UGT1A9: variants seen among roughly 807,000 people sequenced by gnomAD.
UGT1A9 encodes the protein UDP-glucuronosyltransferase 1A9.
In UGT1A9, 35 loss-of-function variants were observed where a neutral mutation model predicts 45.0. The ratio of observed to expected loss-of-function variants is 0.78; its 90% CI spans 0.59 to 1.03. The LOEUF (loss-of-function observed/expected upper bound fraction) is 1.03, where lower values mean the gene tolerates loss of function less well. UGT1A9 is among the 50% of genes least tolerant of loss of function. The pLI, the probability that UGT1A9 is intolerant of heterozygous loss-of-function variation, is 0.00. For synonymous variants in UGT1A9, 278 were observed against 250.6 expected, an observed-to-expected ratio of 1.11 and a Z score of -1.03; for missense variants, 687 against 666.6, an observed-to-expected ratio of 1.03 and a Z score of -0.34.
chr2:233,693,484 T>C (rs1575449694), intron 1 of UGT1A9: 1 of 1,614,198 alleles, frequency 6.2e-7, no homozygotes, highest in East Asian at 2.2e-5. Context: ...TGATCCTGGC[T>C]GAGTATTTGG....
intron 1 of UGT1A9, chr2:233,693,171 T>C (rs759983270): frequency 3.6e-5 from 58 of 1,613,992 alleles, no homozygotes; most frequent in Non-Finnish European, 4.7e-5. Flanking sequence ...GGTCATGAGA[T>C]TGTAGTGGTG....
rs1575864217 is a variant in UGT1A9, at chr2:233,771,774, C to G, written c.1296-488C>G. On this transcript the variant is annotated intron_variant, in intron 4 of 4. Transcript: ENST00000354728. ...TCCCTTCCTTCCTCCGTCCCTCTCTCCTTTCCTCTCTCCCTCCCTCCCTCC... is the reference window on the plus strand; with the variant it reads ...TCCCTTCCTTCCTCCGTCCCTCTCTGCTTTCCTCTCTCCCTCCCTCCCTCC... Among the ~76,000 whole-genome samples the G allele has an allele frequency of 2.6e-5, 4 of 152,102 alleles. No individual in the cohort carries two copies. The South Asian group carries it at 8.4e-4, about 32-fold the overall frequency.
intron 1 of UGT1A9, among the ~76,000 whole-genome samples, chr2:233,720,190 G>A (rs1402744128): frequency 1.3e-5 from 2 of 152,210 alleles, no homozygotes; most frequent in Non-Finnish European, 2.9e-5. Context: ...TTGAGTGGAA[G>A]TGGGGCTGTG....
chr2:233,672,773 G>T lies in UGT1A9; in HGVS notation c.839G>T (p.Gly280Val), dbSNP rs1326548895. 1 of 1,613,612 alleles carries T rather than the reference G, an allele frequency of 6.2e-7. No homozygotes were observed. Among genetic ancestry groups the T allele is most frequent in the Non-Finnish European group, 8.5e-7 (1 of 1,179,636 alleles). ...ATTGGTGGTATCAACTGCCATCAGG[G>T]AAAGCCGTTGCCTATGGTAAGTTAT... Reference protein sequence around the residue: ...IFIGGINCHQGKPLPMEFEAY... With the variant: ...IFIGGINCHQVKPLPMEFEAY... Residue 280 changes from glycine to valine, a missense_variant, in exon 1 of 5, where the codon GGA becomes GTA. Transcript: ENST00000354728.
chr2:233,717,972 C>A, intron 1 of UGT1A9: 1 of 447,844 alleles, frequency 2.2e-6, no homozygotes, highest in Non-Finnish European at 4.5e-6. Flanking sequence ...CTTTGGCATT[C>A]AGAAGAGGAA....
chr2:233,695,130 C>CTTTCTTTTTTTTTTT (rs1364557158), intron 1 of UGT1A9, among the ~76,000 whole-genome samples: 3 of 138,838 alleles, frequency 2.2e-5, no homozygotes, highest in South Asian at 2.3e-4. Flanking sequence ...CTTTTCTTTT[C>CTTTCTTTTTTTTTTT]TTTTTTTTTT....
At chr2:233,757,538 A>G (rs1235606271) in intron 1 of UGT1A9, among the ~76,000 whole-genome samples, 2 of 109,774 alleles carry the variant, frequency 1.8e-5, no homozygotes, top group East Asian at 2.1e-4. Context: ...TGTAAGGAAT[A>G]TATATATATA....
At chr2:233,693,690 A>G in intron 1 of UGT1A9, 1 of 1,614,250 alleles carries the variant, frequency 6.2e-7, no homozygotes, top group Non-Finnish European at 8.5e-7. Flanking sequence ...TTTTCAAAGT[A>G]TGAAGAACTC....
At chr2:233,763,692 T>G (rs28900398) in intron 1 of UGT1A9, among the ~76,000 whole-genome samples, 3,195 of 152,308 alleles carry the variant, frequency 0.021, 100 homozygotes, top group African/African-American at 0.073. Context: ...GATAAAACTT[T>G]TATTGCACAA....
At chr2:233,695,415 C>T (rs1344704193) in intron 1 of UGT1A9, among the ~76,000 whole-genome samples, 5 of 144,208 alleles carry the variant, frequency 3.5e-5, no homozygotes, top group African/African-American at 7.6e-5. Context: ...TGAGCTACCG[C>T]GCCCGGCCTT....
intron 1 of UGT1A9, among the ~76,000 whole-genome samples, chr2:233,751,728 CCT>C (rs1694798514): frequency 6.6e-6 from 1 of 152,164 alleles, no homozygotes; most frequent in Non-Finnish European, 1.5e-5. Flanking sequence ...GTGAACTCTT[CCT>C]CTCTGTTTCT....
chr2:233,678,087 G>T (rs2074408357), intron 1 of UGT1A9, among the ~76,000 whole-genome samples: 1 of 152,136 alleles, frequency 6.6e-6, no homozygotes, highest in African/African-American at 2.4e-5. Context: ...AAATACCATT[G>T]TTTTCACTTA....
chr2:233,769,506 T>A lies in UGT1A9; in HGVS notation c.1295+1067T>A. On this transcript the variant is annotated intron_variant, in intron 4 of 4. Coordinates refer to ENST00000354728, the MANE Select transcript of UGT1A9 (RefSeq NM_021027.3). The surrounding 1 kb of genome is among the most constrained non-coding windows in gnomAD (Gnocchi z 4.4). ...GTGTGTTTATGAGAGTGTCCATTGCTTTCTCCCATGGTTACCTCCTTTAGA... is the reference window on the plus strand; with the variant it reads ...GTGTGTTTATGAGAGTGTCCATTGCATTCTCCCATGGTTACCTCCTTTAGA... The A allele has an allele frequency of 6.2e-7, 1 of 1,612,780 alleles. No individual in the cohort carries two copies. Among genetic ancestry groups the A allele is most frequent in the Non-Finnish European group, 8.5e-7 (1 of 1,179,850 alleles).
chr2:233,681,137 G>A (rs533523111), intron 1 of UGT1A9, among the ~76,000 whole-genome samples: 3 of 151,790 alleles, frequency 2.0e-5, no homozygotes, highest in Admixed American at 1.3e-4. Flanking sequence ...CAGGTGAGCC[G>A]CAATTTCCTC....
chr2:233,672,090 G>T lies in UGT1A9; in HGVS notation c.156G>T (p.Gly52=), dbSNP rs139255934. The T allele has an allele frequency of 8.2e-5, 133 of 1,614,150 alleles. No individual in the cohort carries two copies. Among genetic ancestry groups the T allele is most frequent in the Middle Eastern group, 3.3e-4 (2 of 6,062 alleles). ...TGGTGGAGAAACTCATTCTCAGGGG[G>T]CATGAGGTGGTTGTAGTCATGCCAG... ...RSVVEKLILR[G]HEVVVVMPEV... is the part of the protein sequence containing the mutation. The change falls in exon 1 of 5, where the codon GGG becomes GGT. Residue 52 remains glycine (G), a synonymous_variant. Coordinates refer to ENST00000354728, the MANE Select transcript of UGT1A9 (RefSeq NM_021027.3).
chr2:233,710,795 T>C (rs914559681), intron 1 of UGT1A9, among the ~76,000 whole-genome samples: 1 of 152,238 alleles, frequency 6.6e-6, no homozygotes. Flanking sequence ...TTGTGTTTTG[T>C]ACCCCTCGTG....
chr2:233,724,332 G>A (rs1575552340), intron 1 of UGT1A9, among the ~76,000 whole-genome samples: 1 of 147,638 alleles, frequency 6.8e-6, no homozygotes, highest in Admixed American at 6.7e-5. Context: ...TGGCCAGGCG[G>A]GGGGCTGACC....
intron 1 of UGT1A9, among the ~76,000 whole-genome samples, chr2:233,699,342 G>A (rs1260601774): frequency 6.6e-6 from 1 of 152,020 alleles, no homozygotes; most frequent in Non-Finnish European, 1.5e-5. Context: ...TCCACCCTAG[G>A]GCTAACCTCT....
chr2:233,695,130 C>CTTTTTTTTTT (rs71398796), intron 1 of UGT1A9, among the ~76,000 whole-genome samples: 1 of 138,840 alleles, frequency 7.2e-6, no homozygotes. Context: ...CTTTTCTTTT[C>CTTTTTTTTTT]TTTTTTTTTT....
Sources: allele counts gnomAD v4.1 joint callset (sites outside exome capture counted in the v4.1 genomes callset), GRCh38; gene constraint gnomAD v4.1.1; non-coding constraint Gnocchi (gnomAD v3.1); transcripts MANE v1.5; gene names NCBI Gene and HGNC (gene_info 2026-07-23, HGNC 2026-07-21).